MANEAL: variants seen among roughly 807,000 people sequenced by gnomAD.
MANEAL encodes mannosidase endo-alpha like.
A neutral mutation model predicts 35.9 loss-of-function variants in MANEAL; 28 were observed. The ratio of observed to expected loss-of-function variants is 0.78; its 90% CI spans 0.58 to 1.07. The LOEUF is 1.07. MANEAL is among the 50% of genes least tolerant of loss of function. The pLI is 0.00. For missense variants in MANEAL, 576 were observed against 629.6 expected (o/e 0.91, Z 0.91); for synonymous variants, 286 against 272.2 (o/e 1.05, Z -0.50).
chr1:37,794,375 C>G lies in MANEAL; in HGVS notation c.193C>G (p.Pro65Ala). The G allele has an allele frequency of 1.9e-6, 2 of 1,068,870 alleles. No individual in the cohort carries two copies. The highest frequency in any genetic ancestry group is 2.3e-6 in the Non-Finnish European group (2 of 885,234). 66.2% of individuals were successfully genotyped at this position (1,068,870 alleles called of 1,614,324 possible). Reference protein sequence around the residue: ...PAPAARAPAAPAAPPPPPPPP... With the variant: ...PAPAARAPAAAAAPPPPPPPP... Reference sequence around the variant, plus strand: ...GCCCGCTGCCAGGGCCCCGGCAGCCCCTGCCGCGCCGCCCCCGCCGCCGCC... The same window carrying G: ...GCCCGCTGCCAGGGCCCCGGCAGCCGCTGCCGCGCCGCCCCCGCCGCCGCC... The change falls in exon 1 of 4, where the codon CCT (proline) becomes GCT (alanine). Residue 65 changes from proline to alanine, a missense_variant. This residue lies in a region of MANEAL where 122 missense variants were observed against 97.2 expected (regional missense o/e 1.26). Transcript: ENST00000373045. This position sits in a 1 kb window ranked among gnomAD's most constrained non-coding sequence, Gnocchi z 5.7.
At position 37,800,038 on chromosome 1, in the gene MANEAL, C is replaced by G; in HGVS notation, c.1209C>G (p.Ser403=). The G allele has an allele frequency of 6.2e-7, 1 of 1,614,220 alleles. No individual in the cohort carries two copies. The highest frequency in any genetic ancestry group is 8.5e-7 in the Non-Finnish European group (1 of 1,180,030). The change falls in exon 4 of 4, where the codon TCC becomes TCG. Residue 403 remains serine (S), a synonymous_variant. Transcript: ENST00000373045. The part of the protein sequence containing the change: ...TVRPEIVSIT[S]FNEWHEGTQI... ...GGCCCGAGATCGTTTCCATTACCTC[C>G]TTCAATGAGTGGCACGAGGGCACCC...
rs1646693905 is a variant in MANEAL, at chr1:37,801,020, C to T, written c.*817C>T. The T allele has an allele frequency of 6.6e-6, 1 of 152,192 alleles. No homozygotes were observed. The highest frequency in any genetic ancestry group is 1.5e-5 in the Non-Finnish European group (1 of 67,922). 9.4% of individuals were successfully genotyped at this position (152,192 alleles called of 1,614,324 possible). The stretch of plus-strand genomic sequence containing the variant: ...TGCATATTTAGCTCTAGGGAGAGGA[C>T]TAGGAGGAAATCCCCCTCCCTTTAG... On this transcript the variant is annotated 3_prime_UTR_variant, in exon 4 of 4. Coordinates refer to ENST00000373045, the MANE Select transcript of MANEAL (RefSeq NM_001113482.2).
At position 37,794,722 on chromosome 1, in the gene MANEAL, A is replaced by G; in HGVS notation, c.540A>G (p.Glu180=). The G allele has an allele frequency of 6.4e-7, 1 of 1,570,776 alleles. No individual in the cohort carries two copies. The highest frequency in any genetic ancestry group is 8.6e-7 in the Non-Finnish European group (1 of 1,158,286). ...GGGAGCATATGACCCAGCTCAAGGA[A>G]GCCGCCATCGGTGAGCGCCCCCCAC... The part of the protein sequence containing the change: ...VLREHMTQLK[E]AAIGVLVLSW... The change falls in exon 1 of 4, where the codon GAA becomes GAG. Residue 180 remains glutamate, a synonymous_variant. Coordinates refer to ENST00000373045, the MANE Select transcript of MANEAL (RefSeq NM_001113482.2). The surrounding 1 kb of genome is among the most constrained non-coding windows in gnomAD (Gnocchi z 5.7).
rs774302279 is a variant in MANEAL, at chr1:37,799,713, C to G, written c.884C>G (p.Thr295Arg). ...TPNGPHSIRN[T>R]PYDGVFIALL... ...AACGGGCCCCATTCGATCCGCAACACGCCCTACGATGGGGTCTTCATAGCG... is the reference window on the plus strand; with the variant it reads ...AACGGGCCCCATTCGATCCGCAACAGGCCCTACGATGGGGTCTTCATAGCG... Residue 295 changes from threonine (T) to arginine (R), a missense_variant, in exon 4 of 4, where the codon ACG (threonine) becomes AGG (arginine). Around this residue, in one of 3 missense-constraint regions of MANEAL, gnomAD observed 449 missense variants for 516.1 expected, o/e 0.87. Coordinates refer to ENST00000373045, the MANE Select transcript of MANEAL (RefSeq NM_001113482.2). The surrounding 1 kb of genome is among the most constrained non-coding windows in gnomAD (Gnocchi z 4.1). 1.2e-6 allele frequency: 2 copies of G among 1,614,246 alleles called. No individual in the cohort carries two copies. The highest frequency in any genetic ancestry group is 2.2e-5 in the South Asian group (2 of 91,090).
chr1:37,799,164 A>G lies in MANEAL; in HGVS notation c.738-403A>G, dbSNP rs1646672578. Among the ~76,000 whole-genome samples the G allele has an allele frequency of 6.6e-6, 1 of 152,210 alleles. No homozygotes were observed. ...GATGCAAGTCCCATAAGATGGAACA[A>G]GCTTGCATGACACATGAGAGCCGGA... On this transcript the variant is annotated intron_variant, in intron 3 of 3. Coordinates refer to ENST00000373045, the MANE Select transcript of MANEAL (RefSeq NM_001113482.2). The surrounding 1 kb of genome is among the most constrained non-coding windows in gnomAD (Gnocchi z 4.1).
Position 37,794,198 on chromosome 1 carries a change from C to A in MANEAL, c.16C>A (p.Arg6Ser). 7.8e-7 allele frequency: 1 copy of A among 1,288,386 alleles called. No individual in the cohort carries two copies. Among genetic ancestry groups the A allele is most frequent in the Non-Finnish European group, 1.0e-6 (1 of 1,000,924 alleles). The allele number at this position is 1,288,386 out of a possible 1,614,324, so 79.8% of individuals were successfully genotyped here. A position where few individuals can be genotyped will look rare whatever the true frequency, so the allele number is the denominator to read the frequency against. The stretch of plus-strand genomic sequence containing the variant: ...ACAGTCGGCCATGGCCCGGCGGCGG[C>A]GCCGCGCCTGCATCGCTCTGTTCCT... The part of the protein sequence containing the change: MARRR[R>S]RACIALFLVL... The change falls in exon 1 of 4, where the codon CGC (arginine) becomes AGC (serine). Residue 6 changes from arginine to serine, a missense_variant. Around this residue, in one of 3 missense-constraint regions of MANEAL, gnomAD observed 122 missense variants for 97.2 expected, o/e 1.26. Transcript: ENST00000373045. The surrounding 1 kb of genome is among the most constrained non-coding windows in gnomAD (Gnocchi z 5.7).
At chr1:37,795,986 G>A in intron 2 of MANEAL, 140 bp downstream of exon 2, 1 of 691,992 alleles carries the variant, frequency 1.4e-6, no homozygotes, top group East Asian at 2.8e-5. Context: ...TGTGGTTTTG[G>A]GGGAGGGTTC....
chr1:37,799,950 A>G lies in MANEAL; in HGVS notation c.1121A>G (p.Asn374Ser), dbSNP rs34750184. The G allele has an allele frequency of 1.1e-3, 1,730 of 1,614,222 alleles. 23 individuals carry two copies. The African/African-American group carries it at 0.02, about 19-fold the overall frequency. ...AGCATTCGGCCCTGGAACAACCACAATACGCGCAACAGGGTCAATGGCAAG... is the reference window on the plus strand; with the variant it reads ...AGCATTCGGCCCTGGAACAACCACAGTACGCGCAACAGGGTCAATGGCAAG... ...DTSIRPWNNH[N>S]TRNRVNGKYY... is the part of the protein sequence containing the mutation. Residue 374 changes from asparagine (N) to serine (S), a missense_variant, in exon 4 of 4, where the codon AAT becomes AGT. Physicochemically the swap from Asn to Ser is conservative, Grantham distance 46. Transcript: ENST00000373045. This position sits in a 1 kb window ranked among gnomAD's most constrained non-coding sequence, Gnocchi z 4.1.
chr1:37,795,508 T>A, intron 1 of MANEAL: 1 of 1,364,734 alleles, frequency 7.3e-7, no homozygotes, highest in South Asian at 1.5e-5. Flanking sequence ...CTGGCTCCCT[T>A]CCGGCCTGGC....
chr1:37,796,935 C>T, intron 3 of MANEAL, 115 bp downstream of exon 3: 4 of 1,038,284 alleles, frequency 3.9e-6, no homozygotes, highest in Non-Finnish European at 5.7e-6. Flanking sequence ...TTCCCAGCAG[C>T]TGTTTTATAG....
In MANEAL at chr1:37,799,943, A is replaced by C. The variant is rs751777995; in HGVS notation, c.1114A>C (p.Asn372His). The C allele has an allele frequency of 4.3e-6, 7 of 1,614,080 alleles. No individual in the cohort carries two copies. The highest frequency in any genetic ancestry group is 5.9e-6 in the Non-Finnish European group (7 of 1,180,034). ...YIDTSIRPWNNHNTRNRVNGK... is the reference protein window; with the variant it reads ...YIDTSIRPWNHHNTRNRVNGK... ...AGACACCAGCATTCGGCCCTGGAAC[A>C]ACCACAATACGCGCAACAGGGTCAA... Residue 372 changes from asparagine (N) to histidine (H), a missense_variant, in exon 4 of 4, where the codon AAC becomes CAC. Coordinates refer to ENST00000373045, the MANE Select transcript of MANEAL (RefSeq NM_001113482.2). The surrounding 1 kb of genome is among the most constrained non-coding windows in gnomAD (Gnocchi z 4.1).
At position 37,794,554 on chromosome 1, in the gene MANEAL, C is replaced by CT. The variant is rs761093348; in HGVS notation, c.373dup (p.Trp125LeufsTer73). 1 of 1,611,978 alleles carries CT rather than the reference C, an allele frequency of 6.2e-7. No homozygotes were observed. Among genetic ancestry groups the CT allele is most frequent in the South Asian group, 1.1e-5 (1 of 91,042 alleles). On this transcript the variant is annotated frameshift_variant, in exon 1 of 4. Coordinates refer to ENST00000373045, the MANE Select transcript of MANEAL (RefSeq NM_001113482.2). LOFTEE classifies it high-confidence loss of function. This position sits in a 1 kb window ranked among gnomAD's most constrained non-coding sequence, Gnocchi z 5.7. The stretch of plus-strand genomic sequence containing the variant: ...CGCGGCGCGAGGGCCACTACATTCA[C>CT]TGGGACCACGTCATGGTGCCGCACT...
chr1:37,797,540 G>A, intron 3 of MANEAL, among the ~76,000 whole-genome samples: 1 of 144,576 alleles, frequency 6.9e-6, no homozygotes, highest in Non-Finnish European at 1.5e-5. Context: ...GCACAATCTT[G>A]GCTCACTGCA....
chr1:37,800,309 A>C lies in MANEAL; in HGVS notation c.*106A>C, dbSNP rs986454030. Reference sequence around the variant, plus strand: ...AGCCACTCACTCGTTCCCAGGTCAGAGGTCAGCAGATGGGTGTTTCTGGGT... The same window carrying C: ...AGCCACTCACTCGTTCCCAGGTCAGCGGTCAGCAGATGGGTGTTTCTGGGT... On this transcript the variant is annotated 3_prime_UTR_variant, in exon 4 of 4. Transcript: ENST00000373045. The C allele has an allele frequency of 2.0e-5, 27 of 1,377,490 alleles. No homozygotes were observed. The highest frequency in any genetic ancestry group is 2.7e-5 in the Non-Finnish European group (27 of 1,014,710). 85.3% of individuals were successfully genotyped at this position (1,377,490 alleles called of 1,614,324 possible). A position where few individuals can be genotyped will look rare whatever the true frequency, so the allele number is the denominator to read the frequency against.
Position 37,794,240 on chromosome 1 carries a change from T to C in MANEAL, c.58T>C (p.Phe20Leu). The change falls in exon 1 of 4, where the codon TTC (phenylalanine) becomes CTC (leucine). Residue 20 changes from phenylalanine to leucine, a missense_variant. This residue lies in a region of MANEAL where 122 missense variants were observed against 97.2 expected (regional missense o/e 1.26). Transcript: ENST00000373045. This position sits in a 1 kb window ranked among gnomAD's most constrained non-coding sequence, Gnocchi z 5.7. ...TCTGTTCCTGGTGCTGCTCTTCGCC[T>C]TCGGCACCCTCATGGGTCTGCGCAC... ...IALFLVLLFAFGTLMGLRTLK... is the reference protein window; with the variant it reads ...IALFLVLLFALGTLMGLRTLK... The C allele has an allele frequency of 7.5e-7, 1 of 1,332,664 alleles. No homozygotes were observed. Among genetic ancestry groups the C allele is most frequent in the Non-Finnish European group, 9.8e-7 (1 of 1,024,268 alleles). 82.6% of individuals were successfully genotyped at this position (1,332,664 alleles called of 1,614,324 possible). A position where few individuals can be genotyped will look rare whatever the true frequency, so the allele number is the denominator to read the frequency against.
At chr1:37,795,920 G>T in intron 2 of MANEAL, 74 bp downstream of exon 2, 2 of 1,370,414 alleles carry the variant, frequency 1.5e-6, no homozygotes, top group Non-Finnish European at 2.1e-6. Context: ...CACAGGGTTA[G>T]TGCCTCTACA....
Position 37,800,588 on chromosome 1 carries a change from C to T in MANEAL, c.*385C>T, listed in dbSNP as rs1259573003. On this transcript the variant is annotated 3_prime_UTR_variant, in exon 4 of 4. Transcript: ENST00000373045. Reference sequence around the variant, plus strand: ...GTCTGGGCTCGCATGCACCCTGCTCCCTTCTGCCAGCCTGCATCCTCTCCT... The same window carrying T: ...GTCTGGGCTCGCATGCACCCTGCTCTCTTCTGCCAGCCTGCATCCTCTCCT... 1 of 223,984 alleles carries T rather than the reference C, an allele frequency of 4.5e-6. No homozygotes were observed. The highest frequency in any genetic ancestry group is 8.9e-6 in the Non-Finnish European group (1 of 112,750). 13.9% of individuals were successfully genotyped at this position (223,984 alleles called of 1,614,324 possible).
chr1:37,794,604 AC>A lies in MANEAL; in HGVS notation c.427del (p.Arg143AlafsTer33), dbSNP rs769184579. 7 of 1,609,692 alleles carry A rather than the reference AC, an allele frequency of 4.3e-6. No homozygotes were observed. In the African/African-American group the frequency reaches 9.4e-5, roughly 22 times the overall value. ...PHWDPKISAS[Y>X]PRGRHSPPDD... Reference sequence around the variant, plus strand: ...TGGGACCCCAAGATCTCGGCCAGCTACCCCCGCGGCCGCCACAGCCCCCCAG... The same window carrying A: ...TGGGACCCCAAGATCTCGGCCAGCTACCCCGCGGCCGCCACAGCCCCCCAG... On this transcript the variant is annotated frameshift_variant, in exon 1 of 4. Coordinates refer to ENST00000373045, the MANE Select transcript of MANEAL (RefSeq NM_001113482.2). LOFTEE classifies it high-confidence loss of function. The surrounding 1 kb of genome is among the most constrained non-coding windows in gnomAD (Gnocchi z 5.7).
In MANEAL at chr1:37,800,177, A is replaced by G. The variant is rs148932751; in HGVS notation, c.1348A>G (p.Lys450Glu). Residue 450 changes from lysine (K) to glutamate (E), a missense_variant, in exon 4 of 4, where the codon AAA becomes GAA. Coordinates refer to ENST00000373045, the MANE Select transcript of MANEAL (RefSeq NM_001113482.2). ...LTRRWAEHFIKEKEQWLM is the reference protein window; with the variant it reads ...LTRRWAEHFIEEKEQWLM ...ACGCCGCTGGGCGGAGCACTTCATC[A>G]AAGAGAAGGAGCAGTGGCTCATGTG... 6.3e-5 allele frequency: 101 copies of G among 1,613,438 alleles called. No homozygotes were observed. Among genetic ancestry groups the G allele is most frequent in the Non-Finnish European group, 8.1e-5 (95 of 1,180,008 alleles).
Sources: allele counts gnomAD v4.1 joint callset (sites outside exome capture counted in the v4.1 genomes callset), GRCh38; gene constraint gnomAD v4.1.1; regional missense constraint gnomAD v4.1.1; non-coding constraint Gnocchi (gnomAD v3.1); transcripts MANE v1.5; gene names NCBI Gene and HGNC (gene_info 2026-07-23, HGNC 2026-07-21).